Variants in FBN1 observed in about 807,000 individuals in gnomAD.
FBN1 encodes fibrillin-1.
A neutral mutation model predicts 365.1 loss-of-function variants in FBN1; 29 were observed. That is an observed-to-expected ratio of 0.08 (90% CI 0.06 to 0.11). The LOEUF (loss-of-function observed/expected upper bound fraction) is 0.11. FBN1 is among the 10% of genes least tolerant of loss of function. The pLI is 1.00. For synonymous variants in FBN1, 1,210 were observed against 1,270.5 expected (o/e 0.95, Z 1.01); for missense variants, 2,476 against 3,703.2 (o/e 0.67, Z 8.60).
In FBN1 at chr15:48,496,180, T is replaced by A. The variant is rs886039058; in HGVS notation, c.2339A>T (p.Gln780Leu). The A allele has an allele frequency of 6.2e-7, 1 of 1,613,814 alleles. No individual in the cohort carries two copies. Among genetic ancestry groups the A allele is most frequent in the Non-Finnish European group, 8.5e-7 (1 of 1,179,786 alleles). Residue 780 changes from glutamine to leucine, a missense_variant, in exon 20 of 66, where the codon CAA becomes CTA. Gln to Leu is a moderately radical substitution (Grantham distance 113). This residue lies in a region of FBN1 where 1,780 missense variants were observed against 2,840.8 expected (regional missense o/e 0.63). Transcript: ENST00000316623. ...AAAACTTCCAGGAGTATTTCTACAT[T>A]GTCCATTGTCACAAAGGAGACTGTT... ...VLNSLLCDNG[Q>L]CRNTPGSFVC...
intron 63 of FBN1, among the ~76,000 whole-genome samples, chr15:48,418,725 G>A (rs1004898302): frequency 1.3e-5 from 2 of 152,080 alleles, no homozygotes; most frequent in Admixed American, 6.5e-5. Flanking sequence ...GAGACAATTC[G>A]AATTTTACCA....
Position 48,432,149 on chromosome 15 carries a change from G to A in FBN1, c.6739+717C>T, listed in dbSNP as rs72739814. ...ACTTCTTTATTTTTCTATCTTTCCC[G>A]TTTACATGCTCTGAGCTGAGAAATT... On this transcript the variant is annotated intron_variant, in intron 55 of 65. Coordinates refer to ENST00000316623, the MANE Select transcript of FBN1 (RefSeq NM_000138.5). Among the ~76,000 whole-genome samples the A allele has an allele frequency of 2.3e-3, 346 of 151,586 alleles. 1 individual carries two copies. Among genetic ancestry groups the A allele is most frequent in the Non-Finnish European group, 3.6e-3 (242 of 67,908 alleles).
intron 25 of FBN1, among the ~76,000 whole-genome samples, chr15:48,488,712 C>T (rs2043531039): frequency 6.6e-6 from 1 of 152,150 alleles, no homozygotes; most frequent in Non-Finnish European, 1.5e-5. Flanking sequence ...GTTAAAGAAG[C>T]AAATAATGTG....
At chr15:48,528,849 T>A (rs1382629379) in intron 8 of FBN1, 1 of 152,218 alleles carries the variant, frequency 6.6e-6, no homozygotes, top group Non-Finnish European at 1.5e-5. Flanking sequence ...CTAAACCACC[T>A]TGTTTCTCAG....
Position 48,513,628 on chromosome 15 carries a change from C to G in FBN1, c.1509G>C (p.Glu503Asp). The G allele has an allele frequency of 6.2e-7, 1 of 1,613,992 alleles. No individual in the cohort carries two copies. Among genetic ancestry groups the G allele is most frequent in the East Asian group, 2.2e-5 (1 of 44,872 alleles). ...TGTACGAACCCTGGTTGTTAATACA[C>G]TCACCACCAGCACAGGGGTTTTTCT... ...ECEKNPCAGG[E>D]CINNQGSYTC... Residue 503 changes from glutamate (E) to aspartate (D), a missense_variant, in exon 13 of 66, where the codon GAG becomes GAC. Coordinates refer to ENST00000316623, the MANE Select transcript of FBN1 (RefSeq NM_000138.5).
At chr15:48,595,648 G>T (rs1429789053) in intron 6 of FBN1, among the ~76,000 whole-genome samples, 3 of 152,148 alleles carry the variant, frequency 2.0e-5, no homozygotes, top group Admixed American at 2.0e-4. Context: ...CAAATTAAAG[G>T]TTTCTTATGT....
At chr15:48,457,185 C>T (rs1162119522) in intron 43 of FBN1, among the ~76,000 whole-genome samples, 1 of 152,100 alleles carries the variant, frequency 6.6e-6, no homozygotes, top group Non-Finnish European at 1.5e-5. Context: ...ATATGGAACT[C>T]TGATCTTTCA....
At chr15:48,504,058 C>A in intron 16 of FBN1, 119 bp from the exon 17 acceptor site, 1 of 1,197,392 alleles carries the variant, frequency 8.4e-7, no homozygotes, top group African/African-American at 1.5e-5. Context: ...ACAGGGAATG[C>A]CTCTGATATC....
At chr15:48,615,902 G>C (rs1889642051) in intron 2 of FBN1, among the ~76,000 whole-genome samples, 1 of 152,136 alleles carries the variant, frequency 6.6e-6, no homozygotes, top group Non-Finnish European at 1.5e-5. Flanking sequence ...AAACAGAAAT[G>C]TTTCAACCTA....
intron 3 of FBN1, among the ~76,000 whole-genome samples, chr15:48,612,265 G>A (rs1597632684): frequency 6.6e-6 from 1 of 152,332 alleles, no homozygotes; most frequent in East Asian, 1.9e-4. Context: ...TCAGCCAAGT[G>A]AGAAGGTGAA....
At chr15:48,454,791 T>C (rs2043227113) in intron 44 of FBN1, among the ~76,000 whole-genome samples, 1 of 152,146 alleles carries the variant, frequency 6.6e-6, no homozygotes, top group Non-Finnish European at 1.5e-5. Context: ...TCAGTGGGGG[T>C]TCCTGTCTAA....
chr15:48,481,538 C>A, intron 32 of FBN1, 117 bp downstream of exon 32: 6 of 1,101,748 alleles, frequency 5.4e-6, no homozygotes, highest in South Asian at 1.7e-5. Context: ...AAATGTTATG[C>A]AAAATGTTTT....
rs567107508 is a variant in FBN1 at position 48,411,083 on chromosome 15, T to A, written c.8523A>T (p.Glu2841Asp). 1.9e-6 allele frequency: 3 copies of A among 1,614,052 alleles called. No homozygotes were observed. In the African/African-American group the frequency reaches 4.0e-5, roughly 22 times the overall value. ...CATATTTGTCTTCTAGTTGGTTAAG[T>A]TCTTTCTTTTTATAAAGTGGAGTAC... Reference protein sequence around the residue: ...ISSTPLYKKKELNQLEDKYDK... With the variant: ...ISSTPLYKKKDLNQLEDKYDK... The change falls in exon 66 of 66, where the codon GAA (glutamate) becomes GAT (aspartate). Residue 2841 changes from glutamate (E) to aspartate (D), a missense_variant. This residue lies in a region of FBN1 where 177 missense variants were observed against 192.7 expected (regional missense o/e 0.92). Coordinates refer to ENST00000316623, the MANE Select transcript of FBN1 (RefSeq NM_000138.5).
intron 2 of FBN1, among the ~76,000 whole-genome samples, chr15:48,618,546 C>T (rs1424439124): frequency 2.0e-5 from 3 of 152,262 alleles, no homozygotes; most frequent in African/African-American, 4.8e-5. Context: ...ACAATGCAAC[C>T]TGGGTAACAA....
At chr15:48,598,391 A>G (rs1305037381) in intron 5 of FBN1, among the ~76,000 whole-genome samples, 1 of 152,230 alleles carries the variant, frequency 6.6e-6, no homozygotes, top group Non-Finnish European at 1.5e-5. Flanking sequence ...AGTAACTGAA[A>G]AGATGTAGGT....
intron 35 of FBN1, 43 bp downstream of exon 35, chr15:48,472,508 C>T: frequency 6.8e-7 from 1 of 1,480,310 alleles, no homozygotes; most frequent in Non-Finnish European, 9.4e-7. Context: ...AACCTAATCT[C>T]ATCAAGCCCA....
chr15:48,504,856 A>C (rs1245570533), intron 16 of FBN1, among the ~76,000 whole-genome samples, 169 bp downstream of exon 16: 1 of 152,218 alleles, frequency 6.6e-6, no homozygotes, highest in Non-Finnish European at 1.5e-5. Flanking sequence ...TCTAATCCTC[A>C]AATTAATGTT....
At position 48,456,630 on chromosome 15, in the gene FBN1, C is replaced by G. The variant is rs1441375642; in HGVS notation, c.5422+7G>C. The G allele has an allele frequency of 6.2e-7, 1 of 1,613,336 alleles. No individual in the cohort carries two copies. Among genetic ancestry groups the G allele is most frequent in the South Asian group, 1.1e-5 (1 of 91,062 alleles). The stretch of plus-strand genomic sequence containing the variant: ...TCTGGATATGATAAAGTCATGATGC[C>G]ACTTACCTTCACAAACCAACAACTT... On this transcript the variant is annotated splice_region_variant and intron_variant, in intron 44 of 65. Transcript: ENST00000316623.
chr15:48,553,103 T>C (rs2044155410), intron 6 of FBN1, among the ~76,000 whole-genome samples: 1 of 152,196 alleles, frequency 6.6e-6, no homozygotes, highest in African/African-American at 2.4e-5. Flanking sequence ...TTCTCACTTG[T>C]AAGATACGTT....
Sources: allele counts gnomAD v4.1 joint callset (sites outside exome capture counted in the v4.1 genomes callset), GRCh38; gene constraint gnomAD v4.1.1; regional missense constraint gnomAD v4.1.1; transcripts MANE v1.5; gene names NCBI Gene and HGNC (gene_info 2026-07-23, HGNC 2026-07-21).